POLR2B: variants seen among roughly 807,000 people sequenced by gnomAD.
The protein encoded by POLR2B is DNA-directed RNA polymerase II subunit RPB2.
POLR2B carries 57 observed loss-of-function variants against 144.6 expected under a neutral mutation model. The observed-to-expected ratio is 0.39, with a 90% CI of 0.32 to 0.49. POLR2B has a LOEUF of 0.49. Among genes scored for constraint, POLR2B ranks in the 20% least tolerant of loss-of-function variants. The pLI, the probability that POLR2B is intolerant of heterozygous loss-of-function variation, is 0.83. For synonymous variants in POLR2B, 442 were observed against 469.8 expected (o/e 0.94, Z 0.77); for missense variants, 595 against 1,467.4 (o/e 0.41, Z 9.71).
intron 9 of POLR2B, 109 bp from the exon 10 acceptor site, chr4:57,006,707 A>G (rs1294062610): frequency 5.0e-6 from 4 of 807,942 alleles, no homozygotes; most frequent in Non-Finnish European, 8.1e-6. Flanking sequence ...CACTCTGCCC[A>G]AACAATTTTT....
At chr4:56,985,089 T>G (rs2109643726) in intron 1 of POLR2B, among the ~76,000 whole-genome samples, 1 of 152,310 alleles carries the variant, frequency 6.6e-6, no homozygotes, top group East Asian at 1.9e-4. Flanking sequence ...GTATTGACTA[T>G]GTCTGACATG....
chr4:57,015,710 C>CA, intron 14 of POLR2B, 54 bp downstream of exon 14: 1 of 771,408 alleles, frequency 1.3e-6, no homozygotes, highest in South Asian at 3.6e-5. Context: ...ATAGAATTTA[C>CA]ATACTGTAAA....
chr4:56,992,038 CAG>C (rs1412751606), intron 3 of POLR2B, among the ~76,000 whole-genome samples: 1 of 152,078 alleles, frequency 6.6e-6, no homozygotes, highest in African/African-American at 2.4e-5. Flanking sequence ...GTGCCAGTAA[CAG>C]AAGTACTAAA....
chr4:57,006,852 T>C lies in POLR2B; in HGVS notation c.1254T>C (p.Tyr418=), dbSNP rs1433081365. The change falls in exon 10 of 25, where the codon TAT becomes TAC. Residue 418 remains tyrosine, a synonymous_variant. Coordinates refer to ENST00000314595, the MANE Select transcript of POLR2B (RefSeq NM_000938.3). ...FKNLLKEVRI[Y]AQKFIDRGKD... The stretch of plus-strand genomic sequence containing the variant: ...ATTTGCTTAAAGAAGTGCGGATCTA[T>C]GCACAGAAATTTATTGATCGAGGAA... 2 of 1,613,634 alleles carry C rather than the reference T, an allele frequency of 1.2e-6. No individual in the cohort carries two copies. Among genetic ancestry groups the C allele is most frequent in the African/African-American group, 1.3e-5 (1 of 74,914 alleles).
chr4:56,990,662 A>G lies in POLR2B; in HGVS notation c.93-86A>G. On this transcript the variant is annotated intron_variant, in intron 2 of 24. Transcript: ENST00000314595. ...GTATTTTATGACTGTTTCTTGAATAATGAAAATGGGGAAATAATGAAAATG... is the reference window on the plus strand; with the variant it reads ...GTATTTTATGACTGTTTCTTGAATAGTGAAAATGGGGAAATAATGAAAATG... 2.5e-6 allele frequency: 3 copies of G among 1,179,644 alleles called. No individual in the cohort carries two copies. In the South Asian group the frequency reaches 4.5e-5, roughly 18 times the overall value. 73.1% of individuals were successfully genotyped at this position (1,179,644 alleles called of 1,614,324 possible). A position where few individuals can be genotyped will look rare whatever the true frequency, so the allele number is the denominator to read the frequency against.
chr4:57,027,693 A>G (rs1723769402), intron 23 of POLR2B, among the ~76,000 whole-genome samples: 1 of 152,246 alleles, frequency 6.6e-6, no homozygotes, highest in Non-Finnish European at 1.5e-5. Context: ...CTGAAACCAT[A>G]TGAATGAACC....
chr4:57,010,303 T>G, intron 10 of POLR2B, 58 bp from the exon 11 acceptor site: 2 of 1,491,048 alleles, frequency 1.3e-6, no homozygotes, highest in South Asian at 2.3e-5. Context: ...TTTGCCTCAG[T>G]GTAATAGTAT....
Position 56,985,582 on chromosome 4 carries a change from A to G in POLR2B, c.20-772A>G, listed in dbSNP as rs953152909. The G allele has an allele frequency of 1.5e-5, 8 of 543,478 alleles. No individual in the cohort carries two copies. The East Asian group carries it at 1.2e-3, about 80-fold the overall frequency. The allele number at this position is 543,478 out of a possible 1,614,324, so 33.7% of individuals were successfully genotyped here. On this transcript the variant is annotated intron_variant, in intron 1 of 24. Transcript: ENST00000314595. ...TGCCTGGCTAATTTTTGTCTTTTTT[A>G]GTAGAGACAGGGTTTTGCCATATTG... is the stretch of plus-strand genomic sequence containing the variant.
At chr4:57,019,375 C>A (rs1465198656) in intron 16 of POLR2B, among the ~76,000 whole-genome samples, 1 of 145,546 alleles carries the variant, frequency 6.9e-6, no homozygotes, top group East Asian at 2.0e-4. Context: ...TTTTGAAATT[C>A]TTTTTTTTTT....
Position 56,990,785 on chromosome 4 carries a change from C to T in POLR2B, c.130C>T (p.Leu44=). Residue 44 remains leucine, a synonymous_variant, in exon 3 of 25, where the codon CTG becomes TTG. Transcript: ENST00000314595. ...FDEKGLVRQQ[L]DSFDEFIQMS... ...CGAGAAAGGCTTGGTTAGACAACAG[C>T]TGGATTCTTTTGATGAGTTTATTCA... The T allele has an allele frequency of 6.2e-7, 1 of 1,612,978 alleles. No homozygotes were observed. Among genetic ancestry groups the T allele is most frequent in the Non-Finnish European group, 8.5e-7 (1 of 1,179,492 alleles).
At chr4:56,995,432 T>C in intron 6 of POLR2B, 23 bp downstream of exon 6, 1 of 1,545,720 alleles carries the variant, frequency 6.5e-7, no homozygotes, top group Non-Finnish European at 8.8e-7. Context: ...TATGATGCTA[T>C]TTGGGTTTAT....
At chr4:57,021,067 T>A in intron 17 of POLR2B, 72 bp downstream of exon 17, 1 of 860,254 alleles carries the variant, frequency 1.2e-6, no homozygotes, top group Non-Finnish European at 2.0e-6. Context: ...AAAAAGTTCT[T>A]AAAATACAGT....
In POLR2B at chr4:56,990,912, A is replaced by G; in HGVS notation, c.243+14A>G. 3.7e-6 allele frequency: 6 copies of G among 1,604,928 alleles called. No homozygotes were observed. The highest frequency in any genetic ancestry group is 2.2e-5 in the South Asian group (2 of 89,356). The stretch of plus-strand genomic sequence containing the variant: ...GTTGAAGAACCGGTAAGATAGTTCT[A>G]ATAGTTACACAGGTACAAGAAGCGT... On this transcript the variant is annotated intron_variant, in intron 3 of 24. Transcript: ENST00000314595.
intron 3 of POLR2B, among the ~76,000 whole-genome samples, chr4:56,992,422 G>A (rs1392723526): frequency 1.9e-5 from 2 of 107,510 alleles, no homozygotes; most frequent in African/African-American, 7.3e-5. Context: ...CTGAGATCAC[G>A]CCACTGCACT....
At chr4:57,022,734 G>T (rs1429235994) in intron 18 of POLR2B, among the ~76,000 whole-genome samples, 4 of 152,186 alleles carry the variant, frequency 2.6e-5, no homozygotes, top group African/African-American at 9.6e-5. Context: ...TTATGCAGTG[G>T]GATGGATGGG....
In POLR2B at chr4:57,010,465, T is replaced by C. The variant is rs1162772597; in HGVS notation, c.1509T>C (p.Asn503=). The C allele has an allele frequency of 1.9e-6, 3 of 1,613,932 alleles. No homozygotes were observed. In the African/African-American group the frequency reaches 4.0e-5, roughly 22 times the overall value. ...GKLAKPRQLH[N]TLWGMVCPAE... Reference sequence around the variant, plus strand: ...TAGCAAAACCAAGACAGTTGCATAATACGTTGTGGGGAATGGTGTGTCCTG... The same window carrying C: ...TAGCAAAACCAAGACAGTTGCATAACACGTTGTGGGGAATGGTGTGTCCTG... The change falls in exon 11 of 25, where the codon AAT becomes AAC. Residue 503 remains asparagine, a synonymous_variant. Coordinates refer to ENST00000314595, the MANE Select transcript of POLR2B (RefSeq NM_000938.3).
intron 1 of POLR2B, among the ~76,000 whole-genome samples, chr4:56,979,280 C>T (rs1346562585): frequency 6.6e-6 from 1 of 152,132 alleles, no homozygotes; most frequent in Admixed American, 6.5e-5. Context: ...AAGTAGCGTG[C>T]AGAATCGTAA....
intron 1 of POLR2B, among the ~76,000 whole-genome samples, chr4:56,982,533 A>T (rs1288732971): frequency 1.3e-5 from 2 of 152,068 alleles, no homozygotes; most frequent in African/African-American, 2.4e-5. Flanking sequence ...TGATCACACC[A>T]CTGCACTTCA....
chr4:56,996,206 A>ATGTGTGTGTGTGTGTGTGTGTG lies in POLR2B; in HGVS notation c.735+809_735+830dup, dbSNP rs59059584. 3.6e-3 allele frequency among the ~76,000 whole-genome samples: 414 copies of ATGTGTGTGTGTGTGTGTGTGTG among 115,240 alleles called. 1 individual carries two copies. The highest frequency in any genetic ancestry group is 5.2e-3 in the Non-Finnish European group (306 of 59,236). 75.6% of individuals were successfully genotyped at this position (115,240 alleles called of 152,430 possible). On this transcript the variant is annotated intron_variant, in intron 6 of 24. Coordinates refer to ENST00000314595, the MANE Select transcript of POLR2B (RefSeq NM_000938.3). ...TCTTGGAAAACCTCTATTTCAGTTC[A>ATGTGTGTGTGTGTGTGTGTGTG]TGTGTGTGTGTGTGTGTGTGTGTGT...
Sources: gnomAD v4.1 joint callset for allele counts (sites outside exome capture counted in the v4.1 genomes callset) on GRCh38, gnomAD v4.1.1 for gene constraint, MANE v1.5 for transcripts, NCBI Gene and HGNC (gene_info 2026-07-23, HGNC 2026-07-21) for gene names.